CALN1: variants seen among roughly 807,000 people sequenced by gnomAD.
CALN1 encodes calcium-binding protein 8.
A neutral mutation model predicts 30.6 loss-of-function variants in CALN1; 17 were observed. The ratio of observed to expected loss-of-function variants is 0.56; its 90% CI spans 0.38 to 0.83. CALN1 has a LOEUF of 0.83. CALN1 is among the 40% of genes least tolerant of loss of function. CALN1 has a pLI of 0.00. For synonymous variants in CALN1, 156 were observed against 131.4 expected (o/e 1.19, Z -1.28); for missense variants, 291 against 354.9 (o/e 0.82, Z 1.45).
At chr7:72,098,907 G>A (rs1240333781) in intron 4 of CALN1, among the ~76,000 whole-genome samples, 1 of 151,880 alleles carries the variant, frequency 6.6e-6, no homozygotes, top group Non-Finnish European at 1.5e-5. Context: ...GGATGGATCC[G>A]TGTCCAGGAA....
At chr7:72,131,574 CTCCAT>C (rs1809151855) in intron 3 of CALN1, among the ~76,000 whole-genome samples, 1 of 152,190 alleles carries the variant, frequency 6.6e-6, no homozygotes, top group Non-Finnish European at 1.5e-5. Flanking sequence ...TTTACCTCCA[CTCCAT>C]TCAAGAAACC....
At chr7:71,971,953 A>AAAAAAGAAAGAAAGAAAG (rs1797839188) in intron 5 of CALN1, among the ~76,000 whole-genome samples, 13 of 72,818 alleles carry the variant, frequency 1.8e-4, no homozygotes, top group Non-Finnish European at 2.7e-4. Context: ...AAAAAAAAAA[A>AAAAAAGAAAGAAAGAAAG]AAAGAAAGAA....
intron 3 of CALN1, among the ~76,000 whole-genome samples, chr7:72,170,289 CTCTT>C (rs1402788689): frequency 6.6e-6 from 1 of 152,140 alleles, no homozygotes; most frequent in Admixed American, 6.6e-5. Flanking sequence ...ACCTCTCTAA[CTCTT>C]TATTTTGCTG....
At chr7:72,386,496 G>A (rs1446188773) in intron 2 of CALN1, among the ~76,000 whole-genome samples, 2 of 152,160 alleles carry the variant, frequency 1.3e-5, no homozygotes, top group African/African-American at 4.8e-5. Context: ...ATGTAAACTA[G>A]ACCTAAACAA....
In CALN1 at chr7:72,210,861, G is replaced by A. The variant is rs558034305; in HGVS notation, c.244+67825C>T. 5.6e-4 allele frequency among the ~76,000 whole-genome samples: 85 copies of A among 151,814 alleles called. No individual in the cohort carries two copies. In the South Asian group the frequency reaches 0.013, roughly 23 times the overall value. On this transcript the variant is annotated intron_variant, in intron 3 of 6. Coordinates refer to ENST00000395275, the MANE Select transcript of CALN1 (RefSeq NM_031468.4). ...AGCCCAGGAGTTCAAGACCAGCCTG[G>A]GAAAGATGATGAGCCCCGGTCTCCA... is the stretch of plus-strand genomic sequence containing the variant.
At chr7:72,082,961 G>A (rs559307283) in intron 4 of CALN1, among the ~76,000 whole-genome samples, 2 of 152,102 alleles carry the variant, frequency 1.3e-5, no homozygotes, top group East Asian at 3.9e-4. Flanking sequence ...CAGCACTTTG[G>A]GAGGCTGAGG....
chr7:71,818,225 C>T (rs1788381181), intron 5 of CALN1, among the ~76,000 whole-genome samples: 1 of 151,866 alleles, frequency 6.6e-6, no homozygotes, highest in African/African-American at 2.4e-5. Flanking sequence ...TTCTGGAGAA[C>T]ATGCCTACTA....
chr7:72,070,047 G>A (rs955208092), intron 4 of CALN1, among the ~76,000 whole-genome samples: 1 of 152,090 alleles, frequency 6.6e-6, no homozygotes, highest in Non-Finnish European at 1.5e-5. Flanking sequence ...ACAGTCTCCA[G>A]GCAACTCCCT....
chr7:72,007,818 G>A (rs890432765), intron 5 of CALN1, among the ~76,000 whole-genome samples: 1 of 152,236 alleles, frequency 6.6e-6, no homozygotes, highest in East Asian at 1.9e-4. Flanking sequence ...CCTACTGCCT[G>A]GGCCTCCCAA....
chr7:71,941,348 C>T (rs1289195125), intron 5 of CALN1, among the ~76,000 whole-genome samples: 6 of 108,090 alleles, frequency 5.6e-5, no homozygotes, highest in African/African-American at 1.8e-4. Context: ...GAGACTGCAT[C>T]TCAAAAAAAA....
intron 5 of CALN1, among the ~76,000 whole-genome samples, chr7:71,871,112 A>AAG (rs1791899935): frequency 6.6e-6 from 1 of 152,228 alleles, no homozygotes; most frequent in East Asian, 1.9e-4. Flanking sequence ...CAATCTACTT[A>AAG]AGAGAACAAA....
intron 1 of CALN1, among the ~76,000 whole-genome samples, chr7:72,428,369 T>G (rs1807863095): frequency 6.7e-6 from 1 of 148,842 alleles, no homozygotes; most frequent in Non-Finnish European, 1.5e-5. Flanking sequence ...ACAGATTGAT[T>G]TTTTTTTTGT....
chr7:71,791,596 T>C (rs1267234533), intron 6 of CALN1, among the ~76,000 whole-genome samples: 3 of 152,134 alleles, frequency 2.0e-5, no homozygotes, highest in African/African-American at 2.4e-5. Context: ...AAAATCACTA[T>C]TGGGTTCTAG....
At chr7:72,121,456 GAT>G (rs1286167308) in intron 3 of CALN1, among the ~76,000 whole-genome samples, 2 of 145,938 alleles carry the variant, frequency 1.4e-5, no homozygotes, top group African/African-American at 2.5e-5. Context: ...ATATAGTATA[GAT>G]ATATATAATA....
In CALN1 at chr7:71,971,767, A is replaced by G. The variant is rs370345717; in HGVS notation, c.501+51890T>C. ...TAAAAAATTAGCCAAGTATGGTAGC[A>G]TACACCTCTGGTCCCAGCTACTCAG... On this transcript the variant is annotated intron_variant, in intron 5 of 6. Transcript: ENST00000395275. 4.4e-3 allele frequency among the ~76,000 whole-genome samples: 665 copies of G among 151,256 alleles called. 9 individuals carry two copies. Among genetic ancestry groups the G allele is most frequent in the African/African-American group, 0.016 (641 of 41,228 alleles).
chr7:72,100,821 CAAAAAAA>C (rs35514026), intron 4 of CALN1, among the ~76,000 whole-genome samples: 1 of 73,088 alleles, frequency 1.4e-5, no homozygotes, highest in African/African-American at 5.1e-5. Context: ...CTCCGTCTCA[CAAAAAAA>C]AAAAAAAAAA....
At chr7:72,177,921 A>T (rs905776150) in intron 3 of CALN1, among the ~76,000 whole-genome samples, 1 of 152,056 alleles carries the variant, frequency 6.6e-6, no homozygotes, top group Admixed American at 6.6e-5. Flanking sequence ...GTGCTGATCC[A>T]GGGCAACAAT....
chr7:72,296,579 G>C (rs747047501), intron 2 of CALN1, among the ~76,000 whole-genome samples: 73 of 145,426 alleles, frequency 5.0e-4, no homozygotes, highest in East Asian at 4.1e-4. Flanking sequence ...CTTCTTCCTG[G>C]TTTAGTCTTG....
chr7:72,049,062 G>A (rs1419728938), intron 4 of CALN1, among the ~76,000 whole-genome samples: 2 of 151,986 alleles, frequency 1.3e-5, no homozygotes, highest in Non-Finnish European at 2.9e-5. Context: ...TCCCACCTTG[G>A]CCTCCTAAAG....
Sources: allele counts gnomAD v4.1 joint callset (sites outside exome capture counted in the v4.1 genomes callset), GRCh38; gene constraint gnomAD v4.1.1; transcripts MANE v1.5; gene names NCBI Gene and HGNC (gene_info 2026-07-23, HGNC 2026-07-21).